FKBP11: variants seen among roughly 807,000 people sequenced by gnomAD.
FKBP11 encodes the protein FKBP prolyl isomerase 11.
In FKBP11, 21 loss-of-function variants were observed where a neutral mutation model predicts 24.7. That is an observed-to-expected ratio of 0.85 (90% CI 0.60 to 1.23). The LOEUF is 1.23. FKBP11 is among the 50% of genes most tolerant of loss of function. The probability of loss-of-function intolerance (pLI) is 0.00; values close to 1 mark genes in which losing one functional copy is unlikely to be tolerated. For missense variants in FKBP11, 245 were observed against 248.7 expected, an observed-to-expected ratio of 0.99 and a Z score of 0.10; for synonymous variants, 106 against 100.6, an observed-to-expected ratio of 1.05 and a Z score of -0.32.
intron 5 of FKBP11, chr12:48,923,188 G>A: frequency 8.2e-7 from 1 of 1,213,280 alleles, no homozygotes; most frequent in Non-Finnish European, 1.0e-6. Context: ...ACTCTGTGGA[G>A]TACAACACAT....
At chr12:48,935,141 C>T in the FKBP11 span, among the ~76,000 whole-genome samples, 2 of 151,696 alleles carry the variant, frequency 1.3e-5, no homozygotes, top group African/African-American at 4.8e-5. Flanking sequence ...GTCATCTGAT[C>T]TTGAGGAGTA....
At chr12:48,929,267 G>A (rs1018115623), upstream of FKBP11, among the ~76,000 whole-genome samples, 2 of 152,056 alleles carry the variant, frequency 1.3e-5, no homozygotes, top group African/African-American at 4.8e-5. Context: ...GGGCAACATG[G>A]CAAGACCCTA....
rs907202604 is a variant in FKBP11, at chr12:48,923,814, T to A, written c.356A>T (p.Tyr119Phe). ...AGATGGTGGAAATCCCCGTTTTCCATAGGCCAAGTGAGAAGGAATGATTGC... is the reference window on the plus strand; with the variant it reads ...AGATGGTGGAAATCCCCGTTTTCCAAAGGCCAAGTGAGAAGGAATGATTGC... ...RRAIIPSHLA[Y>F]GKRGFPPSVP... Residue 119 changes from tyrosine to phenylalanine, a missense_variant, in exon 5 of 6, where the codon TAT (tyrosine) becomes TTT (phenylalanine). Tyr to Phe is a conservative substitution (Grantham distance 22, BLOSUM62 3). Coordinates refer to ENST00000550765, the MANE Select transcript of FKBP11 (RefSeq NM_016594.3). 3.1e-6 allele frequency: 5 copies of A among 1,614,018 alleles called. No individual in the cohort carries two copies. In the African/African-American group the frequency reaches 5.3e-5, roughly 17 times the overall value.
intron 4 of FKBP11, 71 bp from the exon 5 acceptor site, chr12:48,923,923 T>A: frequency 6.9e-7 from 1 of 1,447,730 alleles, no homozygotes; most frequent in Non-Finnish European, 9.7e-7. Flanking sequence ...CAGCTGAAGC[T>A]CCTTCAGCAA....
chr12:48,929,401 T>A (rs113272463), upstream of FKBP11, among the ~76,000 whole-genome samples: 7 of 152,052 alleles, frequency 4.6e-5, no homozygotes, highest in African/African-American at 1.7e-4. Flanking sequence ...TAAGCCATGA[T>A]CACGCCACTG....
upstream of FKBP11, chr12:48,931,309 C>T (rs907172186): frequency 1.1e-6 from 1 of 937,936 alleles, no homozygotes; most frequent in African/African-American, 1.6e-5. Flanking sequence ...TTATCCAGGT[C>T]TGAGGCTCTG....
In FKBP11 at chr12:48,925,415, G is replaced by T. The variant is rs765540935; in HGVS notation, c.14C>A (p.Pro5His). MTLR[P>H]SLLPLHLLLL... is the part of the protein sequence containing the mutation. ...CAGCAGATGGAGCGGGAGGAGTGAG[G>T]GGCGCAGGGTCATGACTGGGCGCGG... The change falls in exon 1 of 6, where the codon CCC becomes CAC. Residue 5 changes from proline to histidine, a missense_variant. Coordinates refer to ENST00000550765, the MANE Select transcript of FKBP11 (RefSeq NM_016594.3). 27 of 1,573,560 alleles carry T rather than the reference G, an allele frequency of 1.7e-5. No individual in the cohort carries two copies. The South Asian group carries it at 3.0e-4, about 18-fold the overall frequency.
At chr12:48,932,990 C>T in the FKBP11 span, among the ~76,000 whole-genome samples, 1 of 152,178 alleles carries the variant, frequency 6.6e-6, no homozygotes, top group East Asian at 1.9e-4. Flanking sequence ...GCTCAGAAGC[C>T]GGAAGTGCTC....
chr12:48,927,976 G>T (rs1025085099), upstream of FKBP11, among the ~76,000 whole-genome samples: 2 of 149,038 alleles, frequency 1.3e-5, no homozygotes, highest in Non-Finnish European at 3.0e-5. Flanking sequence ...AAGGGGGAAA[G>T]AGTAGTTCAA....
upstream of FKBP11, among the ~76,000 whole-genome samples, chr12:48,929,328 G>A (rs1378229205): frequency 6.6e-6 from 1 of 152,026 alleles, no homozygotes; most frequent in Non-Finnish European, 1.5e-5. Flanking sequence ...TGCACCTGTG[G>A]TCTTAGCTAC....
chr12:48,925,411 T>C lies in FKBP11; in HGVS notation c.18A>G (p.Ser6=), dbSNP rs148830127. 1.9e-5 allele frequency: 30 copies of C among 1,574,662 alleles called. No homozygotes were observed. The African/African-American group carries it at 2.8e-4, about 15-fold the overall frequency. The change falls in exon 1 of 6, where the codon TCA becomes TCG. Residue 6 remains serine (S), a synonymous_variant. Coordinates refer to ENST00000550765, the MANE Select transcript of FKBP11 (RefSeq NM_016594.3). MTLRP[S]LLPLHLLLLL... ...GCAGCAGCAGATGGAGCGGGAGGAG[T>C]GAGGGGCGCAGGGTCATGACTGGGC...
intron 3 of FKBP11, 89 bp downstream of exon 3, chr12:48,924,472 G>C: frequency 7.6e-7 from 1 of 1,316,150 alleles, no homozygotes; most frequent in Non-Finnish European, 1.1e-6. Flanking sequence ...CTCATTTCAG[G>C]GGGGATTTCC....
At chr12:48,932,183 AT>A in the FKBP11 span, among the ~76,000 whole-genome samples, 1 of 137,526 alleles carries the variant, frequency 7.3e-6, no homozygotes, top group African/African-American at 2.7e-5. Context: ...ATATATATAT[AT>A]AATATAAACA....
At chr12:48,931,201 G>A (rs974019542), upstream of FKBP11, among the ~76,000 whole-genome samples, 2 of 146,260 alleles carry the variant, frequency 1.4e-5, no homozygotes, top group African/African-American at 5.0e-5. Context: ...AAGGCAGTGG[G>A]AACACATTGC....
intron 3 of FKBP11, 92 bp downstream of exon 3, chr12:48,924,469 C>T: frequency 7.7e-7 from 1 of 1,299,718 alleles, no homozygotes; most frequent in Non-Finnish European, 1.1e-6. Context: ...TTACTCATTT[C>T]AGGGGGGATT....
chr12:48,932,759 G>A, the FKBP11 span, among the ~76,000 whole-genome samples: 1 of 152,140 alleles, frequency 6.6e-6, no homozygotes, highest in African/African-American at 2.4e-5. Context: ...CGATATATGG[G>A]ATGGAGGGGT....
the FKBP11 span, chr12:48,936,533 G>C: frequency 6.6e-6 from 1 of 152,670 alleles, no homozygotes; most frequent in African/African-American, 2.4e-5. Context: ...CCCCTGCCAA[G>C]GGCTTAGCAG....
intron 5 of FKBP11, chr12:48,922,658 C>T: frequency 1.0e-6 from 1 of 992,652 alleles, no homozygotes; most frequent in Non-Finnish European, 1.2e-6. Flanking sequence ...GGAGTTTCAA[C>T]ATAAGAGCTG....
chr12:48,930,864 C>T (rs960325582), upstream of FKBP11, among the ~76,000 whole-genome samples: 5 of 152,140 alleles, frequency 3.3e-5, no homozygotes, highest in East Asian at 3.8e-4. Context: ...TGCAGTGGCT[C>T]ACGCCTGTAA....
Sources: gnomAD v4.1 joint callset for allele counts (sites outside exome capture counted in the v4.1 genomes callset) on GRCh38, gnomAD v4.1.1 for gene constraint, MANE v1.5 for transcripts, NCBI Gene and HGNC (gene_info 2026-07-23, HGNC 2026-07-21) for gene names.